Variants in COL11A1 observed in about 807,000 individuals in gnomAD.
COL11A1 encodes the protein collagen alpha-1(XI) chain.
In COL11A1, 74 loss-of-function variants were observed where a neutral mutation model predicts 265.2. The observed-to-expected ratio is 0.28, with a 90% confidence interval of 0.23 to 0.34. The LOEUF (loss-of-function observed/expected upper bound fraction) is 0.34, where lower values mean the gene tolerates loss of function less well. Ranked by LOEUF, COL11A1 falls within the 10% of genes least tolerant of loss-of-function variation. The pLI, the probability that COL11A1 is intolerant of heterozygous loss-of-function variation, is 1.00. For synonymous variants in COL11A1, 816 were observed against 727.6 expected, an observed-to-expected ratio of 1.12 and a Z score of -1.96; for missense variants, 2,165 against 2,263.6, an observed-to-expected ratio of 0.96 and a Z score of 0.88.
At chr1:103,100,065 C>G (rs1265427416) in intron 1 of COL11A1, 1 of 151,808 alleles carries the variant, frequency 6.6e-6, no homozygotes, top group Non-Finnish European at 1.5e-5. Context: ...ACAAATAAAA[C>G]TAGATCACAG....
chr1:103,032,993 C>G (rs1414803066), intron 4 of COL11A1, among the ~76,000 whole-genome samples: 1 of 152,058 alleles, frequency 6.6e-6, no homozygotes, highest in Non-Finnish European at 1.5e-5. Flanking sequence ...TTCATGACAC[C>G]TAAAAGTTAC....
intron 9 of COL11A1, among the ~76,000 whole-genome samples, chr1:103,021,203 G>T (rs1449563639): frequency 4.0e-5 from 6 of 151,168 alleles, no homozygotes; most frequent in African/African-American, 1.5e-4. Flanking sequence ...AATTTTAAAA[G>T]ATTAATTTGG....
intron 41 of COL11A1, among the ~76,000 whole-genome samples, chr1:102,951,288 A>T (rs1160108625): frequency 6.6e-6 from 1 of 152,228 alleles, no homozygotes; most frequent in African/African-American, 2.4e-5. Context: ...AGTAGTAAAT[A>T]TCTCCATGTC....
chr1:102,983,665 G>A (rs1379957279), intron 31 of COL11A1, among the ~76,000 whole-genome samples: 1 of 151,930 alleles, frequency 6.6e-6, no homozygotes, highest in Non-Finnish European at 1.5e-5. Context: ...GTAAGGCAGT[G>A]AATTTCTGTT....
intron 4 of COL11A1, among the ~76,000 whole-genome samples, chr1:103,046,282 T>TGTTCCC (rs1553245306): frequency 3.4e-4 from 16 of 47,184 alleles, no homozygotes; most frequent in Non-Finnish European, 3.3e-4. Flanking sequence ...CAGCACCTTT[T>TGTTCCC]TAATGATTGC....
chr1:102,913,293 A>T (rs1654912367), intron 53 of COL11A1, among the ~76,000 whole-genome samples: 1 of 152,200 alleles, frequency 6.6e-6, no homozygotes, highest in Admixed American at 6.5e-5. Flanking sequence ...TGGGATAATA[A>T]CTTTTGCTAA....
At chr1:103,086,729 T>A (rs1331527477) in intron 1 of COL11A1, among the ~76,000 whole-genome samples, 2 of 152,060 alleles carry the variant, frequency 1.3e-5, no homozygotes, top group African/African-American at 4.8e-5. Context: ...ACGTATCTTT[T>A]AACACCATGA....
chr1:102,931,491 C>G (rs1461957353), intron 46 of COL11A1, among the ~76,000 whole-genome samples: 2 of 152,068 alleles, frequency 1.3e-5, no homozygotes, highest in Non-Finnish European at 2.9e-5. Flanking sequence ...TATACATTTG[C>G]TGAGGAGAGC....
At chr1:103,074,051 A>G (rs1304315688) in intron 4 of COL11A1, among the ~76,000 whole-genome samples, 1 of 152,094 alleles carries the variant, frequency 6.6e-6, no homozygotes, top group East Asian at 1.9e-4. Flanking sequence ...GTTAAAGCAT[A>G]AGTTGTCATA....
intron 49 of COL11A1, 48 bp downstream of exon 49, chr1:102,920,263 A>G: frequency 6.6e-7 from 1 of 1,514,434 alleles, no homozygotes; most frequent in Non-Finnish European, 9.2e-7. Context: ...ATATTATTAC[A>G]GTTCTTAATT....
chr1:103,079,859 T>G (rs1169494765), intron 2 of COL11A1, among the ~76,000 whole-genome samples: 2 of 151,952 alleles, frequency 1.3e-5, no homozygotes, highest in African/African-American at 2.4e-5. Context: ...TTCCAAATTC[T>G]ATTACAGGCA....
intron 45 of COL11A1, 71 bp downstream of exon 45, chr1:102,934,989 A>G: frequency 1.4e-6 from 2 of 1,425,840 alleles, no homozygotes; most frequent in Admixed American, 3.4e-5. Flanking sequence ...TTGACTGGTT[A>G]TGGGACAGTA....
intron 54 of COL11A1, among the ~76,000 whole-genome samples, chr1:102,911,114 T>C (rs114776180): frequency 6.6e-6 from 1 of 152,136 alleles, no homozygotes; most frequent in African/African-American, 2.4e-5. Context: ...ATAAATCTAT[T>C]GACACTGAGA....
intron 8 of COL11A1, 29 bp downstream of exon 8, chr1:103,022,713 C>A: frequency 6.2e-7 from 1 of 1,613,028 alleles, no homozygotes; most frequent in Non-Finnish European, 8.5e-7. Context: ...ATAAGACATA[C>A]AATGACACAG....
intron 38 of COL11A1, among the ~76,000 whole-genome samples, chr1:102,963,911 A>T (rs528358025): frequency 7.2e-4 from 110 of 152,312 alleles, no homozygotes; most frequent in Non-Finnish European, 1.2e-3. Flanking sequence ...AAAAGGGTGC[A>T]TATTCAGTAT....
rs1308681005 is a variant in COL11A1 at position 102,939,096 on chromosome 1, T to G, written c.3385-8A>C. ...CGGCTCACCAATTTCACCCTGAAAT[T>G]GAAAGATTTGACTTAGAGTTTATCT... On this transcript the variant is annotated splice_region_variant and splice_polypyrimidine_tract_variant and intron_variant, in intron 43 of 66. Transcript: ENST00000370096. 10 of 1,613,044 alleles carry G rather than the reference T, an allele frequency of 6.2e-6. No homozygotes were observed. The highest frequency in any genetic ancestry group is 7.6e-6 in the Non-Finnish European group (9 of 1,179,248).
Position 103,078,777 on chromosome 1 carries a change from A to G in COL11A1, c.369T>C (p.Gly123=), listed in dbSNP as rs1244524934. 1 of 1,613,066 alleles carries G rather than the reference A, an allele frequency of 6.2e-7. No individual in the cohort carries two copies. The highest frequency in any genetic ancestry group is 8.5e-7 in the Non-Finnish European group (1 of 1,179,318). ...SFLLSIYNEH[G]IQQIGVEVGR... Reference sequence around the variant, plus strand: ...CAACCTCAACACCAATTTGCTGAATACCATGCTCATTATATATAGATAAAA... The same window carrying G: ...CAACCTCAACACCAATTTGCTGAATGCCATGCTCATTATATATAGATAAAA... The change falls in exon 3 of 67, where the codon GGT becomes GGC. Residue 123 remains glycine, a synonymous_variant. Coordinates refer to ENST00000370096, the MANE Select transcript of COL11A1 (RefSeq NM_001854.4).
In COL11A1 at chr1:102,978,876, C is replaced by G. The variant is rs1243707789; in HGVS notation, c.2693G>C (p.Gly898Ala). Residue 898 changes from glycine to alanine, a missense_variant, in exon 34 of 67, where the codon GGG (glycine) becomes GCG (alanine). By Grantham distance (60) the Gly-to-Ala change is moderately conservative. Transcript: ENST00000370096. The part of the protein sequence containing the change: ...RGSRGARGPT[G>A]KPGPKGTSGG... ...AGGTGATACCTTTGGCCCAGGTTTCCCAGTGGGACCTCTTGCACCTCTTGA... is the reference window on the plus strand; with the variant it reads ...AGGTGATACCTTTGGCCCAGGTTTCGCAGTGGGACCTCTTGCACCTCTTGA... 2 of 1,613,996 alleles carry G rather than the reference C, an allele frequency of 1.2e-6. No homozygotes were observed. The highest frequency in any genetic ancestry group is 2.2e-5 in the South Asian group (2 of 91,086).
chr1:103,043,612 T>C (rs1160423871), intron 4 of COL11A1, among the ~76,000 whole-genome samples: 3 of 152,160 alleles, frequency 2.0e-5, no homozygotes, highest in African/African-American at 7.2e-5. Flanking sequence ...TGAAGAATAC[T>C]ATTACTTGTA....
Sources: allele counts gnomAD v4.1 joint callset (sites outside exome capture counted in the v4.1 genomes callset), GRCh38; gene constraint gnomAD v4.1.1; transcripts MANE v1.5; gene names NCBI Gene and HGNC (gene_info 2026-07-23, HGNC 2026-07-21).